PCDHGC3: variants seen among roughly 807,000 people sequenced by gnomAD.
PCDHGC3 encodes the protein protocadherin gamma-C3.
In PCDHGC3, 26 loss-of-function variants were observed where a neutral mutation model predicts 59.2. The observed-to-expected ratio is 0.44, with a 90% CI of 0.32 to 0.61. PCDHGC3 has a LOEUF of 0.61. Ranked by LOEUF, PCDHGC3 falls within the 20% of genes least tolerant of loss-of-function variation. The pLI, the probability that PCDHGC3 is intolerant of heterozygous loss-of-function variation, is 0.05. For synonymous variants in PCDHGC3, 487 were observed against 519.7 expected (o/e 0.94, Z 0.86); for missense variants, 1,080 against 1,221.8 (o/e 0.88, Z 1.73).
At chr5:141,505,323 G>C in intron 2 of PCDHGC3, 70 bp from the exon 3 acceptor site, 1 of 1,606,758 alleles carries the variant, frequency 6.2e-7, no homozygotes, top group South Asian at 1.1e-5. Flanking sequence ...GGGAGCCCTG[G>C]GAGAGGACAG....
chr5:141,481,689 C>T (rs1198127143), intron 1 of PCDHGC3, among the ~76,000 whole-genome samples: 1 of 152,102 alleles, frequency 6.6e-6, no homozygotes, highest in Non-Finnish European at 1.5e-5. Context: ...CCTGGTGGCT[C>T]ACGCCTGTAA....
At position 141,476,151 on chromosome 5, in the gene PCDHGC3, G is replaced by A; in HGVS notation, c.35G>A (p.Ser12Asn). Reference sequence around the variant, plus strand: ...GAGGCCTGGAGGAGCGGACTGGTAAGCACCGGGAGGGTAGTGGGAGTTTTG... The same window carrying A: ...GAGGCCTGGAGGAGCGGACTGGTAAACACCGGGAGGGTAGTGGGAGTTTTG... The part of the protein sequence containing the change: ...VPEAWRSGLV[S>N]TGRVVGVLLL... The change falls in exon 1 of 4, where the codon AGC becomes AAC. Residue 12 changes from serine (S) to asparagine (N), a missense_variant. By Grantham distance (46) the Ser-to-Asn change is conservative (BLOSUM62 1). Transcript: ENST00000308177. This position sits in a 1 kb window ranked among gnomAD's most constrained non-coding sequence, Gnocchi z 7.6. 1 of 1,612,022 alleles carries A rather than the reference G, an allele frequency of 6.2e-7. No individual in the cohort carries two copies. Among genetic ancestry groups the A allele is most frequent in the Admixed American group, 1.7e-5 (1 of 60,014 alleles).
Position 141,485,609 on chromosome 5 carries a change from G to C in PCDHGC3, c.2430+7063G>C, listed in dbSNP as rs1432367043. On this transcript the variant is annotated intron_variant, in intron 1 of 3. Coordinates refer to ENST00000308177, the MANE Select transcript of PCDHGC3 (RefSeq NM_002588.4). The surrounding 1 kb of genome is among the most constrained non-coding windows in gnomAD (Gnocchi z 5.7). ...GCTGGACTTGGAAATTGGGGAGGCA[G>C]CTCCTCCAGGACAGCGTTTCCCGTT... The C allele has an allele frequency of 1.2e-6, 2 of 1,612,138 alleles. No homozygotes were observed. Among genetic ancestry groups the C allele is most frequent in the Non-Finnish European group, 1.7e-6 (2 of 1,178,664 alleles).
chr5:141,504,824 C>T (rs537283013), intron 2 of PCDHGC3, among the ~76,000 whole-genome samples: 4 of 152,230 alleles, frequency 2.6e-5, no homozygotes, highest in South Asian at 4.1e-4. Context: ...TAGGTCCCCA[C>T]TTTTTCTCTA....
chr5:141,487,397 G>C lies in PCDHGC3; in HGVS notation c.2431-7410G>C. On this transcript the variant is annotated intron_variant, in intron 1 of 3. Coordinates refer to ENST00000308177, the MANE Select transcript of PCDHGC3 (RefSeq NM_002588.4). The surrounding 1 kb of genome is among the most constrained non-coding windows in gnomAD (Gnocchi z 5.0). ...TCTCACCAGATCTCGAAGGAGGGAG[G>C]GGCTTCCCCCTTCCAATGGGATCCT... The C allele has an allele frequency of 6.2e-7, 1 of 1,614,062 alleles. No homozygotes were observed. The highest frequency in any genetic ancestry group is 8.5e-7 in the Non-Finnish European group (1 of 1,180,008).
In PCDHGC3 at chr5:141,478,381, C is replaced by T. The variant is rs931860600; in HGVS notation, c.2265C>T (p.His755=). ...DAVRGGLMSP[H]LYHQVYLTTD... is the part of the protein sequence containing the mutation. ...TGCGGGGAGGCCTGATGTCGCCGCA[C>T]CTTTACCATCAGGTGTATCTCACCA... is the stretch of plus-strand genomic sequence containing the variant. Residue 755 remains histidine (H), a synonymous_variant, in exon 1 of 4, where the codon CAC becomes CAT. Transcript: ENST00000308177. The T allele has an allele frequency of 1.4e-5, 22 of 1,613,664 alleles. No individual in the cohort carries two copies. The highest frequency in any genetic ancestry group is 1.8e-5 in the Non-Finnish European group (21 of 1,180,024).
chr5:141,483,445 C>T (rs1332037230), intron 1 of PCDHGC3, among the ~76,000 whole-genome samples: 1 of 152,106 alleles, frequency 6.6e-6, no homozygotes, highest in Admixed American at 6.5e-5. Context: ...ACAATAAAAT[C>T]ATCAGGACTT....
At chr5:141,501,288 TATACAC>T (rs201660636) in intron 2 of PCDHGC3, among the ~76,000 whole-genome samples, 3 of 81,324 alleles carry the variant, frequency 3.7e-5, no homozygotes, top group African/African-American at 1.5e-4. Flanking sequence ...GATATTCCCT[TATACAC>T]ACACACACAC....
chr5:141,494,845 C>G lies in PCDHGC3; in HGVS notation c.2469C>G (p.Ala823=), dbSNP rs747484430. The part of the protein sequence containing the change: ...PPNTDWRFSQ[A]QRPGTSGSQN... Reference sequence around the variant, plus strand: ...ACACGGACTGGCGTTTCTCTCAGGCCCAGAGACCCGGCACCAGCGGGTAGG... The same window carrying G: ...ACACGGACTGGCGTTTCTCTCAGGCGCAGAGACCCGGCACCAGCGGGTAGG... The change falls in exon 2 of 4, where the codon GCC becomes GCG. Residue 823 remains alanine, a synonymous_variant. Transcript: ENST00000308177. 1.2e-6 allele frequency: 2 copies of G among 1,614,144 alleles called. No individual in the cohort carries two copies. The highest frequency in any genetic ancestry group is 1.7e-6 in the Non-Finnish European group (2 of 1,180,028).
chr5:141,483,764 A>G (rs1170910094), intron 1 of PCDHGC3, among the ~76,000 whole-genome samples: 1 of 152,104 alleles, frequency 6.6e-6, no homozygotes, highest in East Asian at 1.9e-4. Context: ...AGGCTTGGAA[A>G]AATATTGGGG....
chr5:141,503,046 G>T (rs1187153008), intron 2 of PCDHGC3, among the ~76,000 whole-genome samples: 1 of 151,658 alleles, frequency 6.6e-6, no homozygotes, highest in Non-Finnish European at 1.5e-5. Flanking sequence ...GTTGAGACAG[G>T]GTTTCACCAT....
chr5:141,481,351 A>G (rs2099536232), intron 1 of PCDHGC3, among the ~76,000 whole-genome samples: 1 of 152,152 alleles, frequency 6.6e-6, no homozygotes, highest in Non-Finnish European at 1.5e-5. Context: ...TTAAACATCT[A>G]CAGCTGTTCA....
In PCDHGC3 at chr5:141,511,033, C is replaced by T. The variant is rs1185153127; in HGVS notation, c.2665C>T (p.His889Tyr). 6.2e-7 allele frequency: 1 copy of T among 1,614,202 alleles called. No individual in the cohort carries two copies. The highest frequency in any genetic ancestry group is 1.7e-5 in the Admixed American group (1 of 60,032). ...CTACGGACCCCAGTTCACCCTGCAG[C>T]ACGTGCCCGACTACCGCCAGAATGT... ...ARYGPQFTLQ[H>Y]VPDYRQNVYI... Residue 889 changes from histidine to tyrosine, a missense_variant, in exon 4 of 4, where the codon CAC becomes TAC. His to Tyr is a moderately conservative substitution (Grantham distance 83). Coordinates refer to ENST00000308177, the MANE Select transcript of PCDHGC3 (RefSeq NM_002588.4).
In PCDHGC3 at chr5:141,477,029, A is replaced by C; in HGVS notation, c.913A>C (p.Thr305Pro). 6.2e-7 allele frequency: 1 copy of C among 1,614,238 alleles called. No homozygotes were observed. The highest frequency in any genetic ancestry group is 8.5e-7 in the Non-Finnish European group (1 of 1,180,040). ...FALDLVTGML[T>P]IKGRLDFEDT... Reference sequence around the variant, plus strand: ...CTTAGACCTTGTAACCGGGATGCTGACAATCAAGGGTCGGCTGGACTTCGA... The same window carrying C: ...CTTAGACCTTGTAACCGGGATGCTGCCAATCAAGGGTCGGCTGGACTTCGA... Residue 305 changes from threonine (T) to proline (P), a missense_variant, in exon 1 of 4, where the codon ACA becomes CCA. Transcript: ENST00000308177. This position sits in a 1 kb window ranked among gnomAD's most constrained non-coding sequence, Gnocchi z 4.9.
chr5:141,486,823 A>G lies in PCDHGC3; in HGVS notation c.2431-7984A>G, dbSNP rs778308736. On this transcript the variant is annotated intron_variant, in intron 1 of 3. Coordinates refer to ENST00000308177, the MANE Select transcript of PCDHGC3 (RefSeq NM_002588.4). The surrounding 1 kb of genome is among the most constrained non-coding windows in gnomAD (Gnocchi z 5.0). Reference sequence around the variant, plus strand: ...ACCCACCCCTTAGCAGCACTGTAACAGTTCGTCTATTTGTGCTGGACCTCA... The same window carrying G: ...ACCCACCCCTTAGCAGCACTGTAACGGTTCGTCTATTTGTGCTGGACCTCA... 1.2e-6 allele frequency: 2 copies of G among 1,614,104 alleles called. No individual in the cohort carries two copies. Among genetic ancestry groups the G allele is most frequent in the Admixed American group, 1.7e-5 (1 of 60,008 alleles).
chr5:141,491,414 G>T lies in PCDHGC3; in HGVS notation c.2431-3393G>T, dbSNP rs137987971. ...CTTCAGGGAAACGCAGACGGGGACGGGGGTGGAGGGCAGTGCTGCAGGCGC... is the reference window on the plus strand; with the variant it reads ...CTTCAGGGAAACGCAGACGGGGACGTGGGTGGAGGGCAGTGCTGCAGGCGC... On this transcript the variant is annotated intron_variant, in intron 1 of 3. Coordinates refer to ENST00000308177, the MANE Select transcript of PCDHGC3 (RefSeq NM_002588.4). The surrounding 1 kb of genome is among the most constrained non-coding windows in gnomAD (Gnocchi z 6.9). 1.9e-6 allele frequency: 3 copies of T among 1,614,008 alleles called. No homozygotes were observed. Among genetic ancestry groups the T allele is most frequent in the Non-Finnish European group, 2.5e-6 (3 of 1,180,030 alleles).
At position 141,476,209 on chromosome 5, in the gene PCDHGC3, G is replaced by A. The variant is rs749576231; in HGVS notation, c.93G>A (p.Thr31=). ...TTGGTGCCTTGAACAAGGCTTCCAC[G>A]GTCATTCACTATGAGATCCCGGAGG... ...LLLGALNKAS[T]VIHYEIPEER... Residue 31 remains threonine, a synonymous_variant, in exon 1 of 4, where the codon ACG becomes ACA. Coordinates refer to ENST00000308177, the MANE Select transcript of PCDHGC3 (RefSeq NM_002588.4). The surrounding 1 kb of genome is among the most constrained non-coding windows in gnomAD (Gnocchi z 7.6). The A allele has an allele frequency of 3.1e-6, 5 of 1,613,974 alleles. No individual in the cohort carries two copies. Among genetic ancestry groups the A allele is most frequent in the Admixed American group, 1.7e-5 (1 of 60,014 alleles).
rs2099883943 is a variant in PCDHGC3, at chr5:141,511,766, G to A, written c.*593G>A. ...TGGAGGACATGATCACCATCCCCAT[G>A]GTACTGATGCTTGCTGGATTTAGGG... On this transcript the variant is annotated 3_prime_UTR_variant, in exon 4 of 4. Coordinates refer to ENST00000308177, the MANE Select transcript of PCDHGC3 (RefSeq NM_002588.4). 2 of 161,712 alleles carry A rather than the reference G, an allele frequency of 1.2e-5. No homozygotes were observed. Among genetic ancestry groups the A allele is most frequent in the Non-Finnish European group, 2.8e-5 (2 of 72,704 alleles). The allele number at this position is 161,712 out of a possible 1,614,324, so 10.0% of individuals were successfully genotyped here.
intron 3 of PCDHGC3, among the ~76,000 whole-genome samples, chr5:141,509,015 C>T (rs1370464396): frequency 6.6e-6 from 1 of 152,098 alleles, no homozygotes; most frequent in East Asian, 1.9e-4. Flanking sequence ...AAGTGGGCAG[C>T]TGCTCCCTCC....
Sources: gnomAD v4.1 joint callset for allele counts (sites outside exome capture counted in the v4.1 genomes callset) on GRCh38, gnomAD v4.1.1 for gene constraint, Gnocchi (gnomAD v3.1) non-coding constraint, MANE v1.5 for transcripts, NCBI Gene and HGNC (gene_info 2026-07-23, HGNC 2026-07-21) for gene names.